NPC1: variants seen among roughly 807,000 people sequenced by gnomAD.
NPC1 encodes NPC intracellular cholesterol transporter 1.
A neutral mutation model predicts 140.4 loss-of-function variants in NPC1; 85 were observed. The observed-to-expected ratio is 0.61, with a 90% CI of 0.51 to 0.72. The LOEUF (loss-of-function observed/expected upper bound fraction) is 0.72, where lower values mean the gene tolerates loss of function less well. NPC1 is among the 30% of genes least tolerant of loss of function. The pLI, the probability that NPC1 is intolerant of heterozygous loss-of-function variation, is 0.00. For synonymous variants in NPC1, 656 were observed against 624.8 expected, an observed-to-expected ratio of 1.05 and a Z score of -0.74; for missense variants, 1,504 against 1,623.8, an observed-to-expected ratio of 0.93 and a Z score of 1.27.
intron 3 of NPC1, among the ~76,000 whole-genome samples, chr18:23,507,369 C>T (rs1015359542): frequency 6.6e-6 from 1 of 152,184 alleles, no homozygotes; most frequent in Admixed American, 6.5e-5. Context: ...AAGTGATTCT[C>T]TCGCCTCAGT....
In NPC1 at chr18:23,539,843, CT is replaced by C. The variant is rs1254582880; in HGVS notation, c.2762del (p.Gln921ArgfsTer15). 1 of 1,614,244 alleles carries C rather than the reference CT, an allele frequency of 6.2e-7. No homozygotes were observed. The highest frequency in any genetic ancestry group is 2.2e-5 in the East Asian group (1 of 44,882). On this transcript the variant is annotated frameshift_variant, in exon 18 of 25. Coordinates refer to ENST00000269228, the MANE Select transcript of NPC1 (RefSeq NM_000271.5). LOFTEE classifies it high-confidence loss of function. ...CCAGCTGCGCCGCGTTAAATATCTG[CT>C]GCACCAGGGAATCATTGTTGCAGCC... ...GMGCNNDSLV[Q>X]QIFNAAQLDN...
chr18:23,572,188 G>A lies in NPC1; in HGVS notation c.181-8C>T. Reference sequence around the variant, plus strand: ...GAATCCTGGACAGAGTTCCTTTCAGGTGAAAGAGCACAGACACGGGAGTAG... The same window carrying A: ...GAATCCTGGACAGAGTTCCTTTCAGATGAAAGAGCACAGACACGGGAGTAG... On this transcript the variant is annotated splice_region_variant and splice_polypyrimidine_tract_variant and intron_variant, in intron 2 of 24. Coordinates refer to ENST00000269228, the MANE Select transcript of NPC1 (RefSeq NM_000271.5). 6.2e-7 allele frequency: 1 copy of A among 1,603,850 alleles called. No individual in the cohort carries two copies.
chr18:23,539,774 CCGCTG>C, intron 18 of NPC1, 32 bp downstream of exon 18: 1 of 1,606,136 alleles, frequency 6.2e-7, no homozygotes, highest in Non-Finnish European at 8.5e-7. Context: ...AGAGCCTCCT[CCGCTG>C]CTTCTGAAGT....
chr18:23,535,638 C>T lies in NPC1; in HGVS notation c.3308G>A (p.Gly1103Asp). 1 of 1,614,130 alleles carries T rather than the reference C, an allele frequency of 6.2e-7. No homozygotes were observed. The highest frequency in any genetic ancestry group is 8.5e-7 in the Non-Finnish European group (1 of 1,180,020). Residue 1103 changes from glycine (G) to aspartate (D), a missense_variant, in exon 22 of 25, where the codon GGT becomes GAT. Gly to Asp is a moderately conservative substitution (Grantham distance 94, BLOSUM62 -1). Coordinates refer to ENST00000269228, the MANE Select transcript of NPC1 (RefSeq NM_000271.5). ...CAGAAATATCGCGCCCAGGGACACACCGAGGTTGAAGATAGTGTCGTCAAT... is the reference window on the plus strand; with the variant it reads ...CAGAAATATCGCGCCCAGGGACACATCGAGGTTGAAGATAGTGTCGTCAAT... ...TIIDDTIFNL[G>D]VSLGAIFLVT...
downstream of NPC1, among the ~76,000 whole-genome samples, chr18:23,525,908 C>G (rs1260452239): frequency 1.3e-5 from 2 of 152,232 alleles, no homozygotes; most frequent in African/African-American, 2.4e-5. Flanking sequence ...TAGGCATCCA[C>G]TGTATGTAAT....
intron 18 of NPC1, 116 bp downstream of exon 18, chr18:23,539,695 T>C: frequency 8.1e-7 from 1 of 1,238,088 alleles, no homozygotes. Context: ...ACATTTTGCA[T>C]AAAAACAACT....
chr18:23,556,035 A>G (rs1447177151), intron 8 of NPC1, among the ~76,000 whole-genome samples: 3 of 152,198 alleles, frequency 2.0e-5, no homozygotes, highest in Non-Finnish European at 2.9e-5. Context: ...TAAATACAAA[A>G]GTGAGCAACA....
Position 23,568,910 on chromosome 18 carries a change from T to C in NPC1, c.376A>G (p.Thr126Ala), listed in dbSNP as rs1599002810. ...GTAACAGGATCAACATAATCTTCAG[T>C]AGCTGTAACATTCAAAAACTGACTC... ...RQSQFLNVTA[T>A]EDYVDPVTNQ... The change falls in exon 4 of 25, where the codon ACT becomes GCT. Residue 126 changes from threonine (T) to alanine (A), a missense_variant. By Grantham distance (58) the Thr-to-Ala change is moderately conservative (BLOSUM62 0). Coordinates refer to ENST00000269228, the MANE Select transcript of NPC1 (RefSeq NM_000271.5). 4 of 1,613,732 alleles carry C rather than the reference T, an allele frequency of 2.5e-6. No homozygotes were observed. The highest frequency in any genetic ancestry group is 3.4e-6 in the Non-Finnish European group (4 of 1,179,572).
At chr18:23,556,935 C>G (rs1309402843) in intron 7 of NPC1, among the ~76,000 whole-genome samples, 182 bp downstream of exon 7, 3 of 152,244 alleles carry the variant, frequency 2.0e-5, no homozygotes, top group African/African-American at 7.2e-5. Context: ...CTTGGTTCTG[C>G]TGTGCCACCC....
intron 18 of NPC1, 123 bp downstream of exon 18, chr18:23,539,688 T>C: frequency 2.7e-6 from 3 of 1,129,158 alleles, no homozygotes; most frequent in Non-Finnish European, 2.6e-6. Flanking sequence ...TTAACATACA[T>C]TTTGCATAAA....
downstream of NPC1, chr18:23,520,079 C>T (rs574737279): frequency 5.0e-5 from 35 of 700,096 alleles, no homozygotes; most frequent in African/African-American, 3.9e-4. Flanking sequence ...AAGAGCTAGC[C>T]TGTAGGGAGG....
At chr18:23,535,730 G>A (rs1486671059) in intron 21 of NPC1, 30 bp from the exon 22 acceptor site, 3 of 1,449,614 alleles carry the variant, frequency 2.1e-6, no homozygotes, top group South Asian at 1.1e-5. Flanking sequence ...CCTCATTAAA[G>A]CTCGCTCTCA....
chr18:23,586,407 C>T lies in NPC1; in HGVS notation c.-64G>A. 6.5e-7 allele frequency: 1 copy of T among 1,527,936 alleles called. No individual in the cohort carries two copies. The highest frequency in any genetic ancestry group is 8.7e-7 in the Non-Finnish European group (1 of 1,143,704). The allele number at this position is 1,527,936 out of a possible 1,614,324, so 94.6% of individuals were successfully genotyped here. A position where few individuals can be genotyped will look rare whatever the true frequency, so the allele number is the denominator to read the frequency against. ...GGCTGGTTGGGCTCCCCGGAGGCGGCTCTACTTCCCCGGGCTGTTTCAGCA... is the reference window on the plus strand; with the variant it reads ...GGCTGGTTGGGCTCCCCGGAGGCGGTTCTACTTCCCCGGGCTGTTTCAGCA... On this transcript the variant is annotated 5_prime_UTR_variant, in exon 1 of 25. Coordinates refer to ENST00000269228, the MANE Select transcript of NPC1 (RefSeq NM_000271.5).
intron 6 of NPC1, among the ~76,000 whole-genome samples, chr18:23,559,979 G>T (rs770799881): frequency 1.3e-5 from 2 of 151,934 alleles, no homozygotes; most frequent in African/African-American, 2.4e-5. Context: ...AAGAATCAGT[G>T]GCTAATGCAC....
At chr18:23,515,888 G>C in intron 3 of NPC1, 1 of 1,614,150 alleles carries the variant, frequency 6.2e-7, no homozygotes. Context: ...TGAAACTCTT[G>C]AAGAGCCACA....
chr18:23,547,043 C>A (rs975965839), intron 11 of NPC1, among the ~76,000 whole-genome samples: 4 of 151,878 alleles, frequency 2.6e-5, no homozygotes, highest in Non-Finnish European at 5.9e-5. Flanking sequence ...GTCTTGAACT[C>A]CCGGCCTCAA....
chr18:23,528,348 C>G (rs1389117842), downstream of NPC1: 1 of 157,878 alleles, frequency 6.3e-6, no homozygotes, highest in Non-Finnish European at 1.4e-5. Context: ...AGTGTTAGCA[C>G]TTAGCAGGCG....
intron 3 of NPC1, chr18:23,515,797 T>G (rs2057987074): frequency 4.4e-6 from 7 of 1,604,092 alleles, no homozygotes; most frequent in Non-Finnish European, 6.0e-6. Flanking sequence ...CCTCCCAAAG[T>G]GCTGGGATTA....
intron 3 of NPC1, chr18:23,516,091 C>G: frequency 6.4e-7 from 1 of 1,564,196 alleles, no homozygotes; most frequent in Non-Finnish European, 8.7e-7. Context: ...GGACAGGTTC[C>G]TCTAGCCGTA....
Sources: gnomAD v4.1 joint callset for allele counts (sites outside exome capture counted in the v4.1 genomes callset) on GRCh38, gnomAD v4.1.1 for gene constraint, MANE v1.5 for transcripts, NCBI Gene and HGNC (gene_info 2026-07-23, HGNC 2026-07-21) for gene names.